The following KANSL1L variants were observed in gnomAD, a reference collection of about 807,000 sequenced individuals.
The protein encoded by KANSL1L is KAT8 regulatory NSL complex subunit 1-like protein.
KANSL1L carries 25 observed loss-of-function variants against 108.6 expected under a neutral mutation model. That is an observed-to-expected ratio of 0.23 (90% CI 0.17 to 0.32). The LOEUF (loss-of-function observed/expected upper bound fraction) is 0.32. KANSL1L is among the 10% of genes least tolerant of loss of function. The pLI, the probability that KANSL1L is intolerant of heterozygous loss-of-function variation, is 1.00. For missense variants in KANSL1L, 1,137 were observed against 1,125.7 expected (o/e 1.01, Z -0.14); for synonymous variants, 405 against 395.1 (o/e 1.03, Z -0.30).
rs145504979 is a variant in KANSL1L at position 210,081,520 on chromosome 2, T to C, written c.1551-5764A>G. On this transcript the variant is annotated intron_variant, in intron 5 of 14. Coordinates refer to ENST00000281772, the MANE Select transcript of KANSL1L (RefSeq NM_152519.4). ...TCACCTCTCCTTCCTAGCATTTTCA[T>C]AGTGATAATTTTATATTTATTTGCA... is the stretch of plus-strand genomic sequence containing the variant. Among the ~76,000 whole-genome samples, 139 of 152,340 alleles carry C rather than the reference T, an allele frequency of 9.1e-4. 1 individual carries two copies. Among genetic ancestry groups the C allele is most frequent in the Non-Finnish European group, 7.9e-4 (54 of 68,024 alleles).
chr2:210,052,282 C>T (rs1391773638), intron 6 of KANSL1L, among the ~76,000 whole-genome samples: 1 of 152,122 alleles, frequency 6.6e-6, no homozygotes, highest in Non-Finnish European at 1.5e-5. Flanking sequence ...GGGTTACAGG[C>T]CTGAGCCACC....
intron 3 of KANSL1L, 51 bp from the exon 4 acceptor site, chr2:210,104,352 G>A (rs768710088): frequency 3.1e-5 from 42 of 1,365,712 alleles, no homozygotes; most frequent in Non-Finnish European, 4.0e-5. Flanking sequence ...TTATTATTAA[G>A]CCACCTTTAA....
At chr2:210,095,677 T>C (rs1369842870) in intron 5 of KANSL1L, among the ~76,000 whole-genome samples, 1 of 152,140 alleles carries the variant, frequency 6.6e-6, no homozygotes, top group African/African-American at 2.4e-5. Context: ...TTTTACATGG[T>C]AGTTTGCTGG....
At chr2:210,113,557 G>C (rs1344539440) in intron 3 of KANSL1L, among the ~76,000 whole-genome samples, 1 of 151,774 alleles carries the variant, frequency 6.6e-6, no homozygotes, top group Non-Finnish European at 1.5e-5. Context: ...GAAAAATGGA[G>C]CATTCAAAGG....
chr2:210,023,289 C>A, intron 14 of KANSL1L, 110 bp from the exon 15 acceptor site: 1 of 730,656 alleles, frequency 1.4e-6, no homozygotes, highest in South Asian at 1.9e-5. Context: ...TGTTCTTTAG[C>A]ACATAAATGT....
rs72148831 is a variant in KANSL1L at position 210,156,987 on chromosome 2, C to CAA, written c.-29-2378_-29-2377dup. Among the ~76,000 whole-genome samples, 187 of 140,226 alleles carry CAA rather than the reference C, an allele frequency of 1.3e-3. 1 individual carries two copies. Among genetic ancestry groups the CAA allele is most frequent in the South Asian group, 7.6e-3 (34 of 4,492 alleles). The allele number at this position is 140,226 out of a possible 152,430, so 92.0% of individuals were successfully genotyped here. ...AATAGATTCCCATTTATCCTAAATGCAAAAAAAAAAAGAAAAAAAAGATGG... is the reference window on the plus strand; with the variant it reads ...AATAGATTCCCATTTATCCTAAATGCAAAAAAAAAAAAAGAAAAAAAAGATGG... On this transcript the variant is annotated intron_variant, in intron 1 of 14. Transcript: ENST00000281772.
intron 2 of KANSL1L, 97 bp downstream of exon 2, chr2:210,153,398 T>A (rs2095315582): frequency 3.1e-6 from 3 of 974,392 alleles, no homozygotes; most frequent in Non-Finnish European, 4.6e-6. Flanking sequence ...AGCATTAAGA[T>A]TTTAGAAAAT....
chr2:210,146,606 G>A (rs911284600), intron 2 of KANSL1L, among the ~76,000 whole-genome samples: 7 of 152,196 alleles, frequency 4.6e-5, no homozygotes, highest in South Asian at 4.1e-4. Flanking sequence ...TAGAAGTCTC[G>A]AAGAAAATTA....
At chr2:210,050,866 C>T (rs2094285106) in intron 6 of KANSL1L, among the ~76,000 whole-genome samples, 1 of 152,028 alleles carries the variant, frequency 6.6e-6, no homozygotes, top group African/African-American at 2.4e-5. Context: ...ACCTCAGCCT[C>T]CTGAGTAGCT....
intron 8 of KANSL1L, chr2:210,035,219 T>G (rs1231008802): frequency 6.6e-6 from 1 of 152,232 alleles, no homozygotes; most frequent in Non-Finnish European, 1.5e-5. Context: ...CTGTCTTCCA[T>G]AACTTTCATA....
Position 210,058,501 on chromosome 2 carries a change from C to T in KANSL1L, c.1756-14397G>A, listed in dbSNP as rs145101876. Among the ~76,000 whole-genome samples, 1,224 of 152,136 alleles carry T rather than the reference C, an allele frequency of 8.0e-3. 19 individuals carry two copies. Among genetic ancestry groups the T allele is most frequent in the African/African-American group, 0.028 (1,152 of 41,504 alleles). ...TGATCTCTGTGACCCACACCCTATT[C>T]GTACAGTCCCCTCTCCTTTTGAAAA... On this transcript the variant is annotated intron_variant, in intron 6 of 14. Coordinates refer to ENST00000281772, the MANE Select transcript of KANSL1L (RefSeq NM_152519.4).
chr2:210,053,192 T>A (rs562427076), intron 6 of KANSL1L, among the ~76,000 whole-genome samples: 1 of 152,362 alleles, frequency 6.6e-6, no homozygotes, highest in South Asian at 2.1e-4. Context: ...GGGAAGATAA[T>A]GGTCCATTTT....
Position 210,154,533 on chromosome 2 carries a change from G to T in KANSL1L, c.50C>A (p.Ser17Tyr). The change falls in exon 2 of 15, where the codon TCT (serine) becomes TAT (tyrosine). Residue 17 changes from serine to tyrosine, a missense_variant. Around this residue, in one of 3 missense-constraint regions of KANSL1L, gnomAD observed 556 missense variants for 537.7 expected, o/e 1.03. Transcript: ENST00000281772. ...EATAKGISFS[S>Y]LPSTMESDKM... ...GTCAGACTCCATGGTACTTGGCAAA[G>T]ATGAAAAGCTGATACCCTTTGCTGT... 6.3e-7 allele frequency: 1 copy of T among 1,578,590 alleles called. No homozygotes were observed. The highest frequency in any genetic ancestry group is 8.6e-7 in the Non-Finnish European group (1 of 1,161,754).
intron 1 of KANSL1L, among the ~76,000 whole-genome samples, chr2:210,155,969 G>T (rs1028320227): frequency 6.6e-6 from 1 of 151,850 alleles, no homozygotes; most frequent in African/African-American, 2.4e-5. Flanking sequence ...AAATGATCAA[G>T]AAGAAAATAA....
At chr2:210,143,276 T>G (rs1387790026) in intron 2 of KANSL1L, among the ~76,000 whole-genome samples, 1 of 152,136 alleles carries the variant, frequency 6.6e-6, no homozygotes, top group Non-Finnish European at 1.5e-5. Flanking sequence ...TCTCTTTTGG[T>G]TTCCATTTGC....
chr2:210,058,551 T>C (rs2094382416), intron 6 of KANSL1L, among the ~76,000 whole-genome samples: 1 of 152,034 alleles, frequency 6.6e-6, no homozygotes, highest in Non-Finnish European at 1.5e-5. Context: ...TTGCTGCTTT[T>C]GGCCAGGCGC....
At chr2:210,038,073 T>C (rs1471990604) in intron 8 of KANSL1L, among the ~76,000 whole-genome samples, 2 of 152,150 alleles carry the variant, frequency 1.3e-5, no homozygotes, top group African/African-American at 2.4e-5. Flanking sequence ...TATGAACTTT[T>C]AAGATATTTT....
At chr2:210,035,758 C>T (rs901158256) in intron 8 of KANSL1L, among the ~76,000 whole-genome samples, 4 of 152,274 alleles carry the variant, frequency 2.6e-5, no homozygotes, top group Admixed American at 2.0e-4. Flanking sequence ...GGATTACAGG[C>T]GTGAGCCACT....
chr2:210,105,600 A>G (rs2094839785), intron 3 of KANSL1L, among the ~76,000 whole-genome samples: 1 of 151,722 alleles, frequency 6.6e-6, no homozygotes, highest in Non-Finnish European at 1.5e-5. Flanking sequence ...TATAGATAAT[A>G]ATGTGTTATA....
Sources: allele counts gnomAD v4.1 joint callset (sites outside exome capture counted in the v4.1 genomes callset), GRCh38; gene constraint gnomAD v4.1.1; regional missense constraint gnomAD v4.1.1; transcripts MANE v1.5; gene names NCBI Gene and HGNC (gene_info 2026-07-23, HGNC 2026-07-21).